The following SRPK1 variants were observed in gnomAD, a reference collection of about 807,000 sequenced individuals.
The protein encoded by SRPK1 is SRSF protein kinase 1.
In SRPK1, 52 loss-of-function variants were observed where a neutral mutation model predicts 89.5. The ratio of observed to expected loss-of-function variants is 0.58; its 90% CI spans 0.46 to 0.73. The LOEUF is 0.73. SRPK1 is among the 30% of genes least tolerant of loss of function. The pLI, the probability that SRPK1 is intolerant of heterozygous loss-of-function variation, is 0.00. For synonymous variants in SRPK1, 255 were observed against 270.2 expected, an observed-to-expected ratio of 0.94 and a Z score of 0.55; for missense variants, 603 against 780.6, an observed-to-expected ratio of 0.77 and a Z score of 2.71.
At position 35,834,286 on chromosome 6, in the gene SRPK1, A is replaced by G. The variant is rs915081221; in HGVS notation, c.*1018T>C. On this transcript the variant is annotated 3_prime_UTR_variant, in exon 16 of 16. Coordinates refer to ENST00000373825, the MANE Select transcript of SRPK1 (RefSeq NM_003137.5). ...GAAAATCAGAAAGGCAAAGCCATAG[A>G]GGAAAACTGCTTCAAGGCCAGAATT... The G allele has an allele frequency of 1.3e-5, 2 of 152,484 alleles. No individual in the cohort carries two copies. Among genetic ancestry groups the G allele is most frequent in the African/African-American group, 4.8e-5 (2 of 41,442 alleles). The allele number at this position is 152,484 out of a possible 1,614,324, so 9.4% of individuals were successfully genotyped here.
At chr6:35,904,976 T>C in intron 2 of SRPK1, 1 of 445,432 alleles carries the variant, frequency 2.2e-6, no homozygotes, top group South Asian at 1.6e-5. Context: ...ACTCCATCTC[T>C]ACAAAAGAAA....
At chr6:35,855,605 T>C (rs1769649712) in intron 13 of SRPK1, among the ~76,000 whole-genome samples, 1 of 152,218 alleles carries the variant, frequency 6.6e-6, no homozygotes, top group East Asian at 1.9e-4. Context: ...ATGAAGAAAT[T>C]GATCTATGTC....
chr6:35,866,261 G>A (rs954543362), intron 12 of SRPK1, among the ~76,000 whole-genome samples: 5 of 152,106 alleles, frequency 3.3e-5, no homozygotes, highest in Non-Finnish European at 5.9e-5. Flanking sequence ...CACTCTTGGT[G>A]GGAATGAAAA....
At chr6:35,880,719 CAAAAAAAAAAAAAAAGAAAAA>C (rs1417247800) in intron 6 of SRPK1, among the ~76,000 whole-genome samples, 3 of 4,108 alleles carry the variant, frequency 7.3e-4, no homozygotes, top group Non-Finnish European at 1.2e-3. Flanking sequence ...GACTCCATCT[CAAAAAAAAAAAAAAAGAAAAA>C]AAAAAAAAAA....
At chr6:35,905,390 G>A (rs1770829999) in intron 2 of SRPK1, among the ~76,000 whole-genome samples, 1 of 151,852 alleles carries the variant, frequency 6.6e-6, no homozygotes, top group South Asian at 2.1e-4. Flanking sequence ...TGCTTCATAA[G>A]CCATATTCTA....
rs1028424103 is a variant in SRPK1 at position 35,833,354 on chromosome 6, C to A, written c.*1950G>T. On this transcript the variant is annotated 3_prime_UTR_variant, in exon 16 of 16. Transcript: ENST00000373825. ...CAGGTTCTATTAAAACTTACTGTCA[C>A]ATCAACTGTTAAAATAGGGCCTTTT... 2 of 152,362 alleles carry A rather than the reference C, an allele frequency of 1.3e-5. No homozygotes were observed. Among genetic ancestry groups the A allele is most frequent in the African/African-American group, 4.8e-5 (2 of 41,444 alleles). 9.4% of individuals were successfully genotyped at this position (152,362 alleles called of 1,614,324 possible).
chr6:35,855,679 T>C (rs1186960237), intron 13 of SRPK1, among the ~76,000 whole-genome samples: 1 of 152,178 alleles, frequency 6.6e-6, no homozygotes, highest in African/African-American at 2.4e-5. Context: ...TCTTTATCCA[T>C]GGTGGGTCCC....
intron 12 of SRPK1, among the ~76,000 whole-genome samples, chr6:35,864,524 C>T (rs778557669): frequency 6.6e-6 from 1 of 152,024 alleles, no homozygotes; most frequent in Non-Finnish European, 1.5e-5. Flanking sequence ...AAATGGCTTA[C>T]GTCCAAAAGA....
chr6:35,881,826 C>A (rs1770297494), intron 6 of SRPK1, among the ~76,000 whole-genome samples: 1 of 151,934 alleles, frequency 6.6e-6, no homozygotes, highest in South Asian at 2.1e-4. Flanking sequence ...ATGCCACACT[C>A]TCAATAATGT....
chr6:35,894,977 C>T (rs1253222783), intron 2 of SRPK1, among the ~76,000 whole-genome samples: 1 of 151,904 alleles, frequency 6.6e-6, no homozygotes, highest in Admixed American at 6.6e-5. Context: ...ATAGAGAAGG[C>T]CTGAAATGCA....
chr6:35,893,356 G>A (rs1018318624), intron 2 of SRPK1, among the ~76,000 whole-genome samples: 1 of 152,004 alleles, frequency 6.6e-6, no homozygotes, highest in African/African-American at 2.4e-5. Context: ...TTGGTGGTGC[G>A]TGCCTGTAGT....
At chr6:35,841,525 T>C (rs1769305992) in intron 14 of SRPK1, among the ~76,000 whole-genome samples, 1 of 152,150 alleles carries the variant, frequency 6.6e-6, no homozygotes, top group Admixed American at 6.5e-5. Flanking sequence ...AAACATAAGC[T>C]GCCTCAACTG....
intron 13 of SRPK1, chr6:35,856,882 A>C (rs989372071): frequency 6.1e-6 from 1 of 163,620 alleles, no homozygotes; most frequent in Non-Finnish European, 1.3e-5. Flanking sequence ...GGAGCTGCTG[A>C]ATTGTACAAA....
At chr6:35,909,703 TCC>T (rs897276269) in intron 2 of SRPK1, among the ~76,000 whole-genome samples, 3 of 152,204 alleles carry the variant, frequency 2.0e-5, no homozygotes, top group Admixed American at 2.0e-4. Context: ...TGGGGGTGGC[TCC>T]CCTCATGCTG....
At chr6:35,842,409 CT>C in intron 14 of SRPK1, 125 bp downstream of exon 14, 1 of 567,206 alleles carries the variant, frequency 1.8e-6, no homozygotes, top group Non-Finnish European at 2.8e-6. Flanking sequence ...ATATTTCTAA[CT>C]TTTCTGGGAT....
intron 5 of SRPK1, 69 bp downstream of exon 5, chr6:35,887,955 G>T: frequency 8.9e-7 from 1 of 1,125,694 alleles, no homozygotes. Flanking sequence ...TCCACTTGGT[G>T]TGTTTTTATT....
At chr6:35,863,546 A>C (rs1353434643) in intron 12 of SRPK1, among the ~76,000 whole-genome samples, 1 of 151,800 alleles carries the variant, frequency 6.6e-6, no homozygotes, top group African/African-American at 2.4e-5. Context: ...AATAGTAGAT[A>C]AAAATTTCCC....
chr6:35,845,353 G>T (rs1471189717), intron 13 of SRPK1, among the ~76,000 whole-genome samples: 2 of 152,068 alleles, frequency 1.3e-5, no homozygotes, highest in African/African-American at 4.8e-5. Context: ...CTGTGTGTGG[G>T]GAGCATATAA....
intron 12 of SRPK1, among the ~76,000 whole-genome samples, chr6:35,858,401 T>A (rs1403083638): frequency 6.6e-6 from 1 of 152,004 alleles, no homozygotes; most frequent in African/African-American, 2.4e-5. Context: ...AAAGTGCACA[T>A]CAAATTTTTA....
Sources: allele counts gnomAD v4.1 joint callset (sites outside exome capture counted in the v4.1 genomes callset), GRCh38; gene constraint gnomAD v4.1.1; transcripts MANE v1.5; gene names NCBI Gene and HGNC (gene_info 2026-07-23, HGNC 2026-07-21).